DNMBP: variants seen among roughly 807,000 people sequenced by gnomAD.
DNMBP encodes dynamin binding protein.
In DNMBP, 87 loss-of-function variants were observed where a neutral mutation model predicts 150.0. That is an observed-to-expected ratio of 0.58 (90% CI 0.49 to 0.69). The LOEUF (loss-of-function observed/expected upper bound fraction) is 0.69, where lower values mean the gene tolerates loss of function less well. Among genes scored for constraint, DNMBP ranks in the 30% least tolerant of loss-of-function variants. The probability of loss-of-function intolerance (pLI) is 0.00; values close to 1 mark genes in which losing one functional copy is unlikely to be tolerated. For missense variants in DNMBP, 1,774 were observed against 1,949.0 expected (o/e 0.91, Z 1.69); for synonymous variants, 711 against 750.4 (o/e 0.95, Z 0.86).
chr10:99,982,463 A>G (rs745395053), intron 1 of DNMBP, among the ~76,000 whole-genome samples: 1 of 151,778 alleles, frequency 6.6e-6, no homozygotes, highest in East Asian at 1.9e-4. Context: ...ATAAATAAAT[A>G]AATAATAAAA....
intron 1 of DNMBP, among the ~76,000 whole-genome samples, chr10:99,978,051 G>T (rs2040747139): frequency 6.6e-6 from 1 of 152,176 alleles, no homozygotes; most frequent in Non-Finnish European, 1.5e-5. Flanking sequence ...CCAAGTGTCA[G>T]ACACTGATCT....
chr10:99,984,456 T>TA (rs1349443332), intron 1 of DNMBP, among the ~76,000 whole-genome samples: 1 of 152,238 alleles, frequency 6.6e-6, no homozygotes, highest in Non-Finnish European at 1.5e-5. Flanking sequence ...TGACAGCAGT[T>TA]ACAGACGTGC....
intron 15 of DNMBP, among the ~76,000 whole-genome samples, chr10:99,882,666 A>G (rs1222697132): frequency 6.6e-6 from 1 of 152,212 alleles, no homozygotes; most frequent in African/African-American, 2.4e-5. Flanking sequence ...ACATAATTGC[A>G]AATAGGAAAG....
At chr10:99,994,836 C>T (rs925231048) in intron 1 of DNMBP, among the ~76,000 whole-genome samples, 2 of 152,164 alleles carry the variant, frequency 1.3e-5, no homozygotes, top group Non-Finnish European at 2.9e-5. Flanking sequence ...GGGGCTCCTG[C>T]AATAGCTTCC....
chr10:99,958,109 C>T (rs529450298), intron 3 of DNMBP: 1 of 152,278 alleles, frequency 6.6e-6, no homozygotes, highest in African/African-American at 2.4e-5. Flanking sequence ...GCTTGGGCAA[C>T]AGAGCAAGAC....
intron 11 of DNMBP, among the ~76,000 whole-genome samples, chr10:99,893,956 A>C (rs1446916405): frequency 6.6e-6 from 1 of 152,166 alleles, no homozygotes; most frequent in East Asian, 1.9e-4. Context: ...CATTTTATTC[A>C]GTTTAAAAAC....
At chr10:99,938,775 A>G (rs772919662) in intron 4 of DNMBP, among the ~76,000 whole-genome samples, 1 of 152,210 alleles carries the variant, frequency 6.6e-6, no homozygotes, top group Non-Finnish European at 1.5e-5. Flanking sequence ...GTGTACAGAG[A>G]AAGTGGCCGA....
intron 11 of DNMBP, among the ~76,000 whole-genome samples, chr10:99,893,373 T>C (rs2039602441): frequency 6.6e-6 from 1 of 152,336 alleles, no homozygotes; most frequent in South Asian, 2.1e-4. Context: ...GATTTAAATA[T>C]CTGCCAACAG....
At chr10:99,938,500 G>T (rs1302454336) in intron 4 of DNMBP, among the ~76,000 whole-genome samples, 2 of 152,120 alleles carry the variant, frequency 1.3e-5, no homozygotes, top group East Asian at 3.8e-4. Context: ...GCCAAGATGG[G>T]TGCCACTGCA....
intron 4 of DNMBP, chr10:99,930,901 T>C (rs950176046): frequency 3.4e-5 from 19 of 558,068 alleles, no homozygotes; most frequent in Non-Finnish European, 5.3e-5. Flanking sequence ...ACTCTTCTCG[T>C]TGCTCTAGTC....
chr10:99,928,516 C>T (rs970244879), intron 4 of DNMBP, among the ~76,000 whole-genome samples: 1 of 151,432 alleles, frequency 6.6e-6, no homozygotes, highest in African/African-American at 2.4e-5. Context: ...AAAGGTTTAA[C>T]AGAGAGTTCA....
At chr10:99,952,140 G>A (rs143615109) in intron 4 of DNMBP, among the ~76,000 whole-genome samples, 3,784 of 152,190 alleles carry the variant, frequency 0.025, 93 homozygotes, top group African/African-American at 0.066. Context: ...CATGTAAGAC[G>A]TGACTTGCTC....
At chr10:99,967,988 C>T (rs2040637039) in intron 3 of DNMBP, among the ~76,000 whole-genome samples, 1 of 151,984 alleles carries the variant, frequency 6.6e-6, no homozygotes, top group Admixed American at 6.6e-5. Context: ...GCTATGACTA[C>T]CTGTTTTAAT....
chr10:99,936,785 G>C lies in DNMBP; in HGVS notation c.2260+18429C>G, dbSNP rs557181717. ...AGTGGTATGATCTAAGCTCACTGAA[G>C]CTTTGAACTCCTGGGCTCAAGGGAG... On this transcript the variant is annotated intron_variant, in intron 4 of 16. Transcript: ENST00000324109. Among the ~76,000 whole-genome samples, 79 of 152,296 alleles carry C rather than the reference G, an allele frequency of 5.2e-4. 2 individuals carry two copies. The South Asian group carries it at 0.014, about 27-fold the overall frequency.
At chr10:99,937,064 C>G (rs2040242091) in intron 4 of DNMBP, among the ~76,000 whole-genome samples, 1 of 152,106 alleles carries the variant, frequency 6.6e-6, no homozygotes, top group African/African-American at 2.4e-5. Context: ...CCACGCCCAG[C>G]TAATTTTTAT....
intron 4 of DNMBP, among the ~76,000 whole-genome samples, chr10:99,913,723 A>C (rs2039929273): frequency 6.6e-6 from 1 of 152,038 alleles, no homozygotes; most frequent in African/African-American, 2.4e-5. Flanking sequence ...CTCACTTCCT[A>C]AAGTTCGAAG....
chr10:99,961,866 G>A (rs1479414748), intron 3 of DNMBP, among the ~76,000 whole-genome samples: 1 of 149,026 alleles, frequency 6.7e-6, no homozygotes, highest in East Asian at 2.0e-4. Flanking sequence ...AAAGACTTAT[G>A]CTTTCACCCC....
intron 1 of DNMBP, among the ~76,000 whole-genome samples, chr10:100,009,267 T>C (rs548492832): frequency 6.6e-6 from 1 of 152,338 alleles, no homozygotes; most frequent in Non-Finnish European, 1.5e-5. Context: ...GAGACACAGA[T>C]GCCCGGTGGA....
rs183787767 is a variant in DNMBP at position 99,970,865 on chromosome 10, C to T, written c.145+1115G>A. 7.1e-3 allele frequency among the ~76,000 whole-genome samples: 1,041 copies of T among 146,784 alleles called. 11 individuals carry two copies. The highest frequency in any genetic ancestry group is 0.025 in the African/African-American group (992 of 40,268). On this transcript the variant is annotated intron_variant, in intron 2 of 16. Coordinates refer to ENST00000324109, the MANE Select transcript of DNMBP (RefSeq NM_015221.4). ...CATGTGCCTGTAGTCCCAGCTACTC[C>T]GGAGGCTGAGGCAGGAGAATGGCAT...
Sources: allele counts gnomAD v4.1 joint callset (sites outside exome capture counted in the v4.1 genomes callset), GRCh38; gene constraint gnomAD v4.1.1; transcripts MANE v1.5; gene names NCBI Gene and HGNC (gene_info 2026-07-23, HGNC 2026-07-21).